Variants in CENPP observed in about 807,000 individuals in gnomAD.
CENPP encodes the protein centromere protein P.
A neutral mutation model predicts 35.6 loss-of-function variants in CENPP; 24 were observed. The observed-to-expected ratio is 0.67, with a 90% CI of 0.49 to 0.95. The LOEUF is 0.95. Ranked by LOEUF, CENPP falls within the 40% of genes least tolerant of loss-of-function variation. The pLI, the probability that CENPP is intolerant of heterozygous loss-of-function variation, is 0.00. For synonymous variants in CENPP, 120 were observed against 125.5 expected (o/e 0.96, Z 0.29); for missense variants, 332 against 345.3 (o/e 0.96, Z 0.31).
intron 5 of CENPP, chr9:92,416,957 G>T: frequency 6.2e-7 from 1 of 1,613,888 alleles, no homozygotes; most frequent in Non-Finnish European, 8.5e-7. Context: ...TTTTAGCAGA[G>T]AATCATGAAG....
chr9:92,409,350 A>G (rs1843385714), intron 5 of CENPP, among the ~76,000 whole-genome samples: 1 of 152,242 alleles, frequency 6.6e-6, no homozygotes, highest in Non-Finnish European at 1.5e-5. Flanking sequence ...TTTTAGGTCT[A>G]GCCATCCTTG....
At chr9:92,589,444 T>A (rs1215121350) in intron 5 of CENPP, among the ~76,000 whole-genome samples, 1 of 151,670 alleles carries the variant, frequency 6.6e-6, no homozygotes, top group Non-Finnish European at 1.5e-5. Context: ...TTGTGTAAGA[T>A]AAGACCTGCA....
At chr9:92,526,650 AT>A (rs1331415284) in intron 5 of CENPP, among the ~76,000 whole-genome samples, 1 of 151,996 alleles carries the variant, frequency 6.6e-6, no homozygotes, top group Non-Finnish European at 1.5e-5. Flanking sequence ...GATTAAAAAA[AT>A]CAAGAAGCCT....
At chr9:92,362,240 C>T (rs1170095797) in intron 4 of CENPP, among the ~76,000 whole-genome samples, 2 of 152,040 alleles carry the variant, frequency 1.3e-5, no homozygotes, top group Non-Finnish European at 1.5e-5. Flanking sequence ...ATTAGCCTGG[C>T]ATAGTGGTGC....
chr9:92,535,248 A>C (rs920652820), intron 5 of CENPP, among the ~76,000 whole-genome samples: 4 of 152,202 alleles, frequency 2.6e-5, no homozygotes, highest in Admixed American at 2.0e-4. Flanking sequence ...ATGGTCTCTC[A>C]ATACTAATTT....
chr9:92,562,202 CTTTTCTTTTTTT>C lies in CENPP; in HGVS notation c.565-49107_565-49096del, dbSNP rs1849863911. Among the ~76,000 whole-genome samples the C allele has an allele frequency of 7.5e-5, 10 of 133,448 alleles. No individual in the cohort carries two copies. In the South Asian group the frequency reaches 2.4e-3, roughly 32 times the overall value. The allele number at this position is 133,448 out of a possible 152,430, so 87.5% of individuals were successfully genotyped here. ...TCTGGAACTCAGTTTTCTTTTTTTT[CTTTTCTTTTTTT>C]TTTTTTTGAGATGGAGTTTTGCTCT... On this transcript the variant is annotated intron_variant, in intron 5 of 7. Transcript: ENST00000375587.
intron 5 of CENPP, among the ~76,000 whole-genome samples, chr9:92,423,332 T>G (rs888669743): frequency 2.0e-5 from 3 of 152,152 alleles, no homozygotes; most frequent in Admixed American, 2.0e-4. Context: ...TGTCATAATA[T>G]TTCTCTTACT....
At chr9:92,602,774 G>T (rs566747686) in intron 5 of CENPP, among the ~76,000 whole-genome samples, 1 of 151,986 alleles carries the variant, frequency 6.6e-6, no homozygotes, top group Non-Finnish European at 1.5e-5. Flanking sequence ...GTGAACAGGC[G>T]GCAGCTTCTC....
At chr9:92,467,731 A>G (rs1025414557) in intron 5 of CENPP, among the ~76,000 whole-genome samples, 1 of 152,176 alleles carries the variant, frequency 6.6e-6, no homozygotes, top group Non-Finnish European at 1.5e-5. Context: ...ACGTTTCCTC[A>G]TCTCACTCTT....
At chr9:92,586,726 G>A (rs1353334046) in intron 5 of CENPP, among the ~76,000 whole-genome samples, 1 of 151,906 alleles carries the variant, frequency 6.6e-6, no homozygotes, top group Non-Finnish European at 1.5e-5. Flanking sequence ...AGACATCTAA[G>A]GAAATCTCCA....
In CENPP at chr9:92,612,505, G is replaced by C. The variant is rs1264285102; in HGVS notation, c.645-18G>C. ...GATTTCAAAAAGCACATAACGACAT[G>C]TTTTACTGCTTTTTCAGGTTTGAAT... On this transcript the variant is annotated intron_variant, in intron 6 of 7. Coordinates refer to ENST00000375587, the MANE Select transcript of CENPP (RefSeq NM_001012267.3). 6.3e-7 allele frequency: 1 copy of C among 1,592,652 alleles called. No homozygotes were observed. Among genetic ancestry groups the C allele is most frequent in the Admixed American group, 1.7e-5 (1 of 60,000 alleles).
chr9:92,540,061 A>G (rs1264185045), intron 5 of CENPP, among the ~76,000 whole-genome samples: 1 of 152,208 alleles, frequency 6.6e-6, no homozygotes, highest in South Asian at 2.1e-4. Context: ...AAGTGGCATA[A>G]ATTTTTAAAG....
chr9:92,516,948 T>TGG, intron 5 of CENPP: 1 of 152,436 alleles, frequency 6.6e-6, no homozygotes, highest in Non-Finnish European at 1.5e-5. Context: ...TCCCTATCCC[T>TGG]TCCCAGCCAA....
At chr9:92,407,343 C>T (rs1843333324) in intron 5 of CENPP, among the ~76,000 whole-genome samples, 1 of 152,148 alleles carries the variant, frequency 6.6e-6, no homozygotes, top group Admixed American at 6.5e-5. Context: ...GCTGATCTCA[C>T]CCTAAACAAA....
In CENPP at chr9:92,615,966, T is replaced by G. The variant is rs145260601; in HGVS notation, c.*2817T>G. On this transcript the variant is annotated 3_prime_UTR_variant, in exon 8 of 8. Coordinates refer to ENST00000375587, the MANE Select transcript of CENPP (RefSeq NM_001012267.3). ...CCGTCCAGTTTATACTGATGGGGAA[T>G]GCTCTCGTAGGGCTTGAGGTCAAGG... The G allele has an allele frequency of 5.0e-5, 80 of 1,614,006 alleles. No homozygotes were observed. The highest frequency in any genetic ancestry group is 6.4e-5 in the Non-Finnish European group (75 of 1,180,020).
At chr9:92,403,645 T>G in intron 5 of CENPP, 1 of 1,161,356 alleles carries the variant, frequency 8.6e-7, no homozygotes. Flanking sequence ...AAAAATAGTT[T>G]TGGAAAATAG....
In CENPP at chr9:92,615,960, G is replaced by A; in HGVS notation, c.*2811G>A. 6.2e-7 allele frequency: 1 copy of A among 1,614,070 alleles called. No homozygotes were observed. Among genetic ancestry groups the A allele is most frequent in the Non-Finnish European group, 8.5e-7 (1 of 1,179,976 alleles). On this transcript the variant is annotated 3_prime_UTR_variant, in exon 8 of 8. Coordinates refer to ENST00000375587, the MANE Select transcript of CENPP (RefSeq NM_001012267.3). The stretch of plus-strand genomic sequence containing the variant: ...ATCTTGCCGTCCAGTTTATACTGAT[G>A]GGGAATGCTCTCGTAGGGCTTGAGG...
chr9:92,466,743 T>G (rs1226840069), intron 5 of CENPP, among the ~76,000 whole-genome samples: 1 of 152,214 alleles, frequency 6.6e-6, no homozygotes, highest in Non-Finnish European at 1.5e-5. Flanking sequence ...ATTTTACTAC[T>G]GAGTTAGAAA....
chr9:92,567,403 T>TATATATATATATATATAGATATAG (rs1554688343), intron 5 of CENPP, among the ~76,000 whole-genome samples: 2 of 138,664 alleles, frequency 1.4e-5, no homozygotes, highest in African/African-American at 2.7e-5. Context: ...TATAGATATA[T>TATATATATATATATATAGATATAG]ATATAAAGTG....
Sources: gnomAD v4.1 joint callset for allele counts (sites outside exome capture counted in the v4.1 genomes callset) on GRCh38, gnomAD v4.1.1 for gene constraint, MANE v1.5 for transcripts, NCBI Gene and HGNC (gene_info 2026-07-23, HGNC 2026-07-21) for gene names.